Variants in APOL1 observed in about 807,000 individuals in gnomAD.
APOL1 encodes the protein apolipoprotein L 1.
A neutral mutation model predicts 14.9 loss-of-function variants in APOL1; 17 were observed. The ratio of observed to expected loss-of-function variants is 1.14; its 90% CI spans 0.78 to 1.71. APOL1 has a LOEUF of 1.71. APOL1 is among the 40% of genes most tolerant of loss of function. APOL1 has a pLI of 0.00. For missense variants in APOL1, 523 were observed against 485.9 expected, an observed-to-expected ratio of 1.08 and a Z score of -0.72; for synonymous variants, 195 against 184.8, an observed-to-expected ratio of 1.05 and a Z score of -0.45.
At chr22:36,261,466 T>A in intron 4 of APOL1, 130 bp from the exon 5 acceptor site, 1 of 1,018,872 alleles carries the variant, frequency 9.8e-7, no homozygotes, top group Non-Finnish European at 1.5e-6. Context: ...TCTATAGCAC[T>A]AATGACTCCA....
intron 5 of APOL1, among the ~76,000 whole-genome samples, chr22:36,262,614 G>C (rs1197983776): frequency 6.6e-6 from 1 of 152,220 alleles, no homozygotes; most frequent in Non-Finnish European, 1.5e-5. Context: ...GCTGGGACTA[G>C]GGTGTGGAAA....
intron 2 of APOL1, among the ~76,000 whole-genome samples, chr22:36,256,571 T>C (rs1169273416): frequency 6.6e-6 from 1 of 152,184 alleles, no homozygotes; most frequent in Non-Finnish European, 1.5e-5. Flanking sequence ...GGACAAAGAA[T>C]CTTAGAGAAG....
rs866428089 is a variant in APOL1 at position 36,255,975 on chromosome 22, T to C, written c.44+976T>C. Among the ~76,000 whole-genome samples, 422 of 151,812 alleles carry C rather than the reference T, an allele frequency of 2.8e-3. 1 individual carries two copies. The highest frequency in any genetic ancestry group is 9.1e-3 in the African/African-American group (377 of 41,274). ...CCATTAGCAACTTTGTAGCTGTAAA[T>C]AATTTACTTACAACTTTCATATACC... On this transcript the variant is annotated intron_variant, in intron 2 of 5. Transcript: ENST00000397278.
chr22:36,257,768 A>T (rs1369862160), intron 4 of APOL1, among the ~76,000 whole-genome samples: 2 of 151,668 alleles, frequency 1.3e-5, no homozygotes, highest in Non-Finnish European at 2.9e-5. Flanking sequence ...GTTGACCAGC[A>T]GCCCCGACCT....
intron 5 of APOL1, 58 bp downstream of exon 5, chr22:36,261,780 C>T: frequency 1.3e-6 from 2 of 1,568,782 alleles, no homozygotes; most frequent in Non-Finnish European, 1.7e-6. Flanking sequence ...CAGCTCTCCC[C>T]TGGGCTAGTT....
chr22:36,261,364 A>G (rs948411239), intron 4 of APOL1, among the ~76,000 whole-genome samples: 13 of 152,174 alleles, frequency 8.5e-5, no homozygotes, highest in Non-Finnish European at 1.9e-4. Flanking sequence ...GATCTCATTC[A>G]GTCTTAATTG....
At chr22:36,263,869 G>A (rs1290605305) in intron 5 of APOL1, among the ~76,000 whole-genome samples, 1 of 152,172 alleles carries the variant, frequency 6.6e-6, no homozygotes, top group Non-Finnish European at 1.5e-5. Flanking sequence ...AGAGTGGGGG[G>A]TTCCTGCTAA....
Position 36,266,281 on chromosome 22 carries a change from G to C in APOL1, c.*248G>C. ...AATTTTTGTATTTTTAATAGAGATG[G>C]GGTTTCACCATGTTGGCCAGGATGG... On this transcript the variant is annotated 3_prime_UTR_variant, in exon 6 of 6. Transcript: ENST00000397278. 1 of 459,592 alleles carries C rather than the reference G, an allele frequency of 2.2e-6. No homozygotes were observed. The highest frequency in any genetic ancestry group is 3.5e-5 in the East Asian group (1 of 28,432). The allele number at this position is 459,592 out of a possible 1,614,324, so 28.5% of individuals were successfully genotyped here.
intron 5 of APOL1, 125 bp from the exon 6 acceptor site, chr22:36,265,026 T>C: frequency 3.2e-6 from 4 of 1,231,286 alleles, no homozygotes; most frequent in Non-Finnish European, 4.5e-6. Flanking sequence ...TTAGTCAGGA[T>C]GGTCTCAATC....
chr22:36,255,687 G>A (rs2015850769), intron 2 of APOL1, among the ~76,000 whole-genome samples: 1 of 150,400 alleles, frequency 6.6e-6, no homozygotes, highest in South Asian at 2.1e-4. Context: ...CCCCATCAGG[G>A]GGCCCGGGAA....
rs1255147713 is a variant in APOL1 at position 36,265,325 on chromosome 22, T to C, written c.489T>C (p.Asp163=). Residue 163 remains aspartate, a synonymous_variant, in exon 6 of 6, where the codon GAT becomes GAC. Coordinates refer to ENST00000397278, the MANE Select transcript of APOL1 (RefSeq NM_003661.4). ...DNIRRLRALA[D]GVQKVHKGTT... ...TAAGAAGGCTCCGTGCCCTTGCAGA[T>C]GGGGTTCAGAAGGTCCACAAAGGCA... The C allele has an allele frequency of 6.2e-7, 1 of 1,612,424 alleles. No homozygotes were observed. Among genetic ancestry groups the C allele is most frequent in the Non-Finnish European group, 8.5e-7 (1 of 1,179,284 alleles).
At chr22:36,262,832 C>G (rs1266535656) in intron 5 of APOL1, among the ~76,000 whole-genome samples, 1 of 151,984 alleles carries the variant, frequency 6.6e-6, no homozygotes, top group African/African-American at 2.4e-5. Context: ...ACAGAGAAAC[C>G]CCTGACATTG....
At position 36,267,287 on chromosome 22, in the gene APOL1, G is replaced by A. The variant is rs1142542; in HGVS notation, c.*1254G>A. On this transcript the variant is annotated 3_prime_UTR_variant, in exon 6 of 6. Transcript: ENST00000397278. ...CTTGAACACTGAAGGGCAGGTGGTG[G>A]GCCATGGCCATGGTCCCCAGCTGAG... The A allele has an allele frequency of 0.13, 19,814 of 152,232 alleles. 1,498 individuals are homozygous for A. The highest frequency in any genetic ancestry group is 0.18 in the Middle Eastern group (54 of 294). The allele number at this position is 152,232 out of a possible 1,614,324, so 9.4% of individuals were successfully genotyped here.
chr22:36,253,167 A>G lies in APOL1; in HGVS notation c.-72A>G. ...ACGCATAACTGGAGGTGGGATCCAC[A>G]CAGCTCAGAACAGCTGGATCTTGCT... On this transcript the variant is annotated 5_prime_UTR_variant, in exon 1 of 6. Coordinates refer to ENST00000397278, the MANE Select transcript of APOL1 (RefSeq NM_003661.4). 1 of 504,864 alleles carries G rather than the reference A, an allele frequency of 2.0e-6. No homozygotes were observed. The highest frequency in any genetic ancestry group is 1.5e-5 in the South Asian group (1 of 68,474). 31.3% of individuals were successfully genotyped at this position (504,864 alleles called of 1,614,324 possible). A position where few individuals can be genotyped will look rare whatever the true frequency, so the allele number is the denominator to read the frequency against.
chr22:36,257,303 T>C lies in APOL1; in HGVS notation c.99-16T>C. 2 of 1,613,628 alleles carry C rather than the reference T, an allele frequency of 1.2e-6. No individual in the cohort carries two copies. The highest frequency in any genetic ancestry group is 1.7e-6 in the Non-Finnish European group (2 of 1,179,538). On this transcript the variant is annotated splice_polypyrimidine_tract_variant and intron_variant, in intron 3 of 5. Transcript: ENST00000397278. The stretch of plus-strand genomic sequence containing the variant: ...GGCTCACATTTGATCCCACAATTTG[T>C]TTTCTCCTCCTCAAGGGTGCAACAA...
chr22:36,257,398 A>G lies in APOL1; in HGVS notation c.178A>G (p.Met60Val). 1 of 1,614,028 alleles carries G rather than the reference A, an allele frequency of 6.2e-7. No homozygotes were observed. The highest frequency in any genetic ancestry group is 8.5e-7 in the Non-Finnish European group (1 of 1,179,888). The change falls in exon 4 of 6, where the codon ATG becomes GTG. Residue 60 changes from methionine (M) to valine (V), a missense_variant. Met to Val is a conservative substitution (Grantham distance 21, BLOSUM62 1). Coordinates refer to ENST00000397278, the MANE Select transcript of APOL1 (RefSeq NM_003661.4). ...KPLGDWAAGTMDPESSIFIED... is the reference protein window; with the variant it reads ...KPLGDWAAGTVDPESSIFIED... Reference sequence around the variant, plus strand: ...CCTCGGTGACTGGGCTGCTGGCACCATGGACCCAGGTAGGCTCACCTCCTC... The same window carrying G: ...CCTCGGTGACTGGGCTGCTGGCACCGTGGACCCAGGTAGGCTCACCTCCTC...
chr22:36,254,844 T>C (rs1240808202), intron 1 of APOL1, 93 bp from the exon 2 acceptor site: 6 of 1,530,438 alleles, frequency 3.9e-6, no homozygotes, highest in East Asian at 2.3e-5. Flanking sequence ...GCCTGGGTGA[T>C]AGAGCGAGAC....
At position 36,256,843 on chromosome 22, in the gene APOL1, G is replaced by T. The variant is rs136147; in HGVS notation, c.45-240G>T. On this transcript the variant is annotated intron_variant, in intron 2 of 5. Transcript: ENST00000397278. The stretch of plus-strand genomic sequence containing the variant: ...GATTCCTCTGTGTTTGAATGGGAAA[G>T]TGGTACCCATCTCCTGGCCTGTGTG... Among the ~76,000 whole-genome samples the T allele has an allele frequency of 0.52, 78,796 of 151,978 alleles. 20,755 individuals are homozygous for T. Among genetic ancestry groups the T allele is most frequent in the East Asian group, 0.71 (3,682 of 5,180 alleles).
intron 1 of APOL1, among the ~76,000 whole-genome samples, chr22:36,254,559 T>G (rs1431325212): frequency 2.6e-5 from 4 of 152,098 alleles, no homozygotes; most frequent in South Asian, 4.1e-4. Context: ...AGAGCAAAAC[T>G]GTTTATTAAA....
Sources: gnomAD v4.1 joint callset for allele counts (sites outside exome capture counted in the v4.1 genomes callset) on GRCh38, gnomAD v4.1.1 for gene constraint, MANE v1.5 for transcripts, NCBI Gene and HGNC (gene_info 2026-07-23, HGNC 2026-07-21) for gene names.